The following HLCS variants were observed in gnomAD, a reference collection of about 807,000 sequenced individuals.
HLCS encodes holocarboxylase synthetase, also known as biotin--protein ligase.
Under a neutral mutation model 75.0 loss-of-function variants are expected in HLCS, and 53 were observed. The observed-to-expected ratio is 0.71, with a 90% CI of 0.57 to 0.89. HLCS has a LOEUF of 0.89. Ranked by LOEUF, HLCS falls within the 40% of genes least tolerant of loss-of-function variation. HLCS has a pLI of 0.00. For missense variants in HLCS, 966 were observed against 1,074.0 expected, an observed-to-expected ratio of 0.90 and a Z score of 1.41; for synonymous variants, 431 against 428.6, an observed-to-expected ratio of 1.01 and a Z score of -0.07.
Position 36,783,549 on chromosome 21 carries a change from G to C in HLCS, c.1893-16264C>G, listed in dbSNP as rs183210030. Among the ~76,000 whole-genome samples, 496 of 152,242 alleles carry C rather than the reference G, an allele frequency of 3.3e-3. 3 individuals are homozygous for C. Among genetic ancestry groups the C allele is most frequent in the African/African-American group, 0.011 (449 of 41,526 alleles). ...GAGATTTCATTTTCTAGAGCCAGAG[G>C]GTGGTAGGTAGTCGAGGAAAAGGAA... On this transcript the variant is annotated intron_variant, in intron 6 of 10. Transcript: ENST00000674895.
rs181775032 is a variant in HLCS at position 36,950,625 on chromosome 21, A to G, written c.330+11411T>C. ...GATGGGACCAAAGGCATACGCTACC[A>G]TGCCTGGCTAAATTTTTTTTTTTTA... On this transcript the variant is annotated intron_variant, in intron 2 of 10. Transcript: ENST00000674895. 6.9e-4 allele frequency among the ~76,000 whole-genome samples: 88 copies of G among 127,948 alleles called. 1 individual carries two copies. The highest frequency in any genetic ancestry group is 2.0e-4 in the Non-Finnish European group (12 of 59,562). 83.9% of individuals were successfully genotyped at this position (127,948 alleles called of 152,430 possible). A position where few individuals can be genotyped will look rare whatever the true frequency, so the allele number is the denominator to read the frequency against.
intron 1 of HLCS, among the ~76,000 whole-genome samples, chr21:36,972,639 A>G (rs896944055): frequency 1.3e-5 from 2 of 152,244 alleles, no homozygotes; most frequent in Non-Finnish European, 2.9e-5. Context: ...GCTTGAAAGA[A>G]GCAAAGCCAT....
At chr21:36,964,120 G>A (rs2068447225) in intron 1 of HLCS, among the ~76,000 whole-genome samples, 1 of 152,192 alleles carries the variant, frequency 6.6e-6, no homozygotes, top group Non-Finnish European at 1.5e-5. Flanking sequence ...AGCTACTCAG[G>A]ACGCCAAAGG....
rs115593113 is a variant in HLCS, at chr21:36,930,198, T to C, written c.1620+53A>G. The C allele has an allele frequency of 6.9e-4, 1,037 of 1,497,752 alleles. 6 individuals are homozygous for C. In the African/African-American group the frequency reaches 0.012, roughly 17 times the overall value. The allele number at this position is 1,497,752 out of a possible 1,614,324, so 92.8% of individuals were successfully genotyped here. The stretch of plus-strand genomic sequence containing the variant: ...AACAATTAAAGCAACGGGTCGCCAC[T>C]GTGAAGAGGGCCACGTCACAGCGCG... On this transcript the variant is annotated intron_variant, in intron 5 of 10. Transcript: ENST00000674895.
At chr21:36,856,350 G>C (rs2063192765) in intron 6 of HLCS, among the ~76,000 whole-genome samples, 1 of 152,168 alleles carries the variant, frequency 6.6e-6, no homozygotes, top group Non-Finnish European at 1.5e-5. Context: ...AGAACATCTA[G>C]GTGGGACCCC....
At chr21:36,988,507 AT>A (rs1569278862) in intron 1 of HLCS, among the ~76,000 whole-genome samples, 1 of 152,212 alleles carries the variant, frequency 6.6e-6, no homozygotes, top group African/African-American at 2.4e-5. Context: ...CAATGCTGCA[AT>A]GAGTGACCTT....
At chr21:36,900,643 G>A (rs2065200753) in intron 5 of HLCS, among the ~76,000 whole-genome samples, 1 of 152,144 alleles carries the variant, frequency 6.6e-6, no homozygotes, top group Non-Finnish European at 1.5e-5. Context: ...AGAAGAGCCT[G>A]AAGGGGAACA....
chr21:36,769,512 G>T (rs1402388755), intron 6 of HLCS, among the ~76,000 whole-genome samples: 1 of 152,214 alleles, frequency 6.6e-6, no homozygotes. Context: ...CAAAAAGGAG[G>T]GGGGTTCCAT....
chr21:36,966,581 C>G lies in HLCS; in HGVS notation c.58G>C (p.Glu20Gln), dbSNP rs1023638547. 3 of 995,896 alleles carry G rather than the reference C, an allele frequency of 3.0e-6. No individual in the cohort carries two copies. Among genetic ancestry groups the G allele is most frequent in the Non-Finnish European group, 3.6e-6 (3 of 838,728 alleles). The allele number at this position is 995,896 out of a possible 1,614,324, so 61.7% of individuals were successfully genotyped here. The change falls in exon 1 of 11, where the codon GAG becomes CAG. Residue 20 changes from glutamate to glutamine, a missense_variant. Transcript: ENST00000674895. Reference sequence around the variant, plus strand: ...CGCCGCACCGTGGCGCGCACGAGCTCAGCCGGCCGGCGACCCCAGCGCGCC... The same window carrying G: ...CGCCGCACCGTGGCGCGCACGAGCTGAGCCGGCCGGCGACCCCAGCGCGCC... ...LWARWGRRPA[E>Q]LVRATVRRLR...
At position 36,926,741 on chromosome 21, in the gene HLCS, C is replaced by CTT. The variant is rs34057978; in HGVS notation, c.1620+3508_1620+3509dup. ...CCAGATTTCCTTCCAGTCTTGTTTCCTTTTTTTTTTTTTTTTTTTGAGACA... is the reference window on the plus strand; with the variant it reads ...CCAGATTTCCTTCCAGTCTTGTTTCCTTTTTTTTTTTTTTTTTTTTTGAGACA... On this transcript the variant is annotated intron_variant, in intron 5 of 10. Coordinates refer to ENST00000674895, the MANE Select transcript of HLCS (RefSeq NM_001352514.2). 5.4e-3 allele frequency among the ~76,000 whole-genome samples: 689 copies of CTT among 127,010 alleles called. 16 individuals carry two copies. The highest frequency in any genetic ancestry group is 0.034 in the South Asian group (133 of 3,856). 83.3% of individuals were successfully genotyped at this position (127,010 alleles called of 152,430 possible). A position where few individuals can be genotyped will look rare whatever the true frequency, so the allele number is the denominator to read the frequency against.
At chr21:36,985,753 G>A (rs2069216809) in intron 1 of HLCS, among the ~76,000 whole-genome samples, 1 of 150,054 alleles carries the variant, frequency 6.7e-6, no homozygotes, top group African/African-American at 2.5e-5. Flanking sequence ...GTGACAGAGT[G>A]AGACTTGGTC....
At chr21:36,835,969 C>T (rs948555451) in intron 6 of HLCS, among the ~76,000 whole-genome samples, 6 of 152,060 alleles carry the variant, frequency 3.9e-5, no homozygotes, top group African/African-American at 1.4e-4. Flanking sequence ...CACCCCACCA[C>T]CACCCTGCCC....
At chr21:36,920,791 C>A (rs531773565) in intron 5 of HLCS, among the ~76,000 whole-genome samples, 1 of 152,208 alleles carries the variant, frequency 6.6e-6, no homozygotes, top group Non-Finnish European at 1.5e-5. Flanking sequence ...AAATTATAGA[C>A]CTTTGACCTT....
chr21:36,830,753 T>G (rs978443799), intron 6 of HLCS, among the ~76,000 whole-genome samples: 3 of 146,140 alleles, frequency 2.1e-5, no homozygotes, highest in Admixed American at 7.2e-5. Context: ...CCCCTGGAAG[T>G]TGAGGCTGCA....
At chr21:36,846,955 C>A (rs923866774) in intron 6 of HLCS, among the ~76,000 whole-genome samples, 1 of 152,156 alleles carries the variant, frequency 6.6e-6, no homozygotes, top group Non-Finnish European at 1.5e-5. Flanking sequence ...AAGGCCATTC[C>A]AGGAACAGCT....
rs902358188 is a variant in HLCS at position 36,770,141 on chromosome 21, C to CTTT, written c.1893-2859_1893-2857dup. Among the ~76,000 whole-genome samples the CTTT allele has an allele frequency of 2.0e-3, 205 of 103,610 alleles. 1 individual carries two copies. The highest frequency in any genetic ancestry group is 2.4e-3 in the Non-Finnish European group (128 of 53,430). 68.0% of individuals were successfully genotyped at this position (103,610 alleles called of 152,430 possible). Reference sequence around the variant, plus strand: ...AAAGCAGCATACAAAACTATAGATGCTTTTTTTTTTTTTTTTTTTTTTGAG... The same window carrying CTTT: ...AAAGCAGCATACAAAACTATAGATGCTTTTTTTTTTTTTTTTTTTTTTTTTGAG... On this transcript the variant is annotated intron_variant, in intron 6 of 10. Transcript: ENST00000674895.
chr21:36,966,431 C>T lies in HLCS; in HGVS notation c.195+13G>A. 1.2e-6 allele frequency: 1 copy of T among 843,148 alleles called. No homozygotes were observed. Among genetic ancestry groups the T allele is most frequent in the Non-Finnish European group, 1.4e-6 (1 of 700,494 alleles). The allele number at this position is 843,148 out of a possible 1,614,324, so 52.2% of individuals were successfully genotyped here. A position where few individuals can be genotyped will look rare whatever the true frequency, so the allele number is the denominator to read the frequency against. ...CGCGGGGCCCGGGTCGCCCGCCCGC[C>T]CGACCCGCCCACCTGGCTGTCGCTG... On this transcript the variant is annotated intron_variant, in intron 1 of 10. Transcript: ENST00000674895.
intron 6 of HLCS, among the ~76,000 whole-genome samples, chr21:36,836,160 G>C (rs2062404481): frequency 6.6e-6 from 1 of 151,394 alleles, no homozygotes; most frequent in South Asian, 2.1e-4. Context: ...AACTATTCTG[G>C]AACACGGCCC....
chr21:36,776,016 G>T (rs1568991953), intron 6 of HLCS, among the ~76,000 whole-genome samples: 1 of 152,222 alleles, frequency 6.6e-6, no homozygotes, highest in Non-Finnish European at 1.5e-5. Flanking sequence ...AGAGGACACA[G>T]TCTCAGAAAG....
Sources: allele counts gnomAD v4.1 joint callset (sites outside exome capture counted in the v4.1 genomes callset), GRCh38; gene constraint gnomAD v4.1.1; transcripts MANE v1.5; gene names NCBI Gene and HGNC (gene_info 2026-07-23, HGNC 2026-07-21).